PPFIA2: variants seen among roughly 807,000 people sequenced by gnomAD.
The protein encoded by PPFIA2 is PPFI scaffold protein A2.
In PPFIA2, 46 loss-of-function variants were observed where a neutral mutation model predicts 175.5. That is an observed-to-expected ratio of 0.26 (90% CI 0.21 to 0.34). The LOEUF is 0.34. Ranked by LOEUF, PPFIA2 falls within the 10% of genes least tolerant of loss-of-function variation. The pLI, the probability that PPFIA2 is intolerant of heterozygous loss-of-function variation, is 1.00. For synonymous variants in PPFIA2, 568 were observed against 511.4 expected (o/e 1.11, Z -1.49); for missense variants, 1,179 against 1,506.1 (o/e 0.78, Z 3.60).
At chr12:81,428,390 T>C (rs1170839869) in intron 7 of PPFIA2, among the ~76,000 whole-genome samples, 2 of 152,002 alleles carry the variant, frequency 1.3e-5, no homozygotes, top group African/African-American at 2.4e-5. Context: ...CTAGTAAAAT[T>C]AGTGGAAGTA....
At chr12:81,325,680 G>T in intron 22 of PPFIA2, 97 bp downstream of exon 22, 1 of 878,668 alleles carries the variant, frequency 1.1e-6, no homozygotes, top group Non-Finnish European at 1.8e-6. Context: ...CTTCAATATA[G>T]TTCTTTTGTT....
At chr12:81,486,416 A>G (rs894125021) in intron 4 of PPFIA2, among the ~76,000 whole-genome samples, 1 of 151,918 alleles carries the variant, frequency 6.6e-6, no homozygotes, top group Non-Finnish European at 1.5e-5. Flanking sequence ...CCATGCAGAA[A>G]ACTTTCAGGA....
intron 8 of PPFIA2, among the ~76,000 whole-genome samples, chr12:81,400,887 A>T (rs1449978163): frequency 6.6e-6 from 1 of 152,066 alleles, no homozygotes; most frequent in African/African-American, 2.4e-5. Flanking sequence ...GGATCAGTCA[A>T]CTCCACTCTT....
chr12:81,508,521 C>CAAAAAAA (rs544893385), intron 4 of PPFIA2, among the ~76,000 whole-genome samples: 5 of 44,812 alleles, frequency 1.1e-4, no homozygotes, highest in African/African-American at 1.5e-4. Flanking sequence ...AATTCCACCT[C>CAAAAAAA]AAAAAAAAAA....
Position 81,294,818 on chromosome 12 carries a change from A to C in PPFIA2, c.2925+17T>G. On this transcript the variant is annotated intron_variant, in intron 24 of 32. Transcript: ENST00000549396. ...TTGCCTAGCACTGAGGAAGGGGAGG[A>C]GCAGAAACTGACTCACAGTTCGAGA... is the stretch of plus-strand genomic sequence containing the variant. The C allele has an allele frequency of 6.2e-7, 1 of 1,609,356 alleles. No homozygotes were observed. The highest frequency in any genetic ancestry group is 8.5e-7 in the Non-Finnish European group (1 of 1,177,604).
chr12:81,486,223 G>C (rs1259817881), intron 4 of PPFIA2, among the ~76,000 whole-genome samples: 1 of 151,590 alleles, frequency 6.6e-6, no homozygotes, highest in Non-Finnish European at 1.5e-5. Context: ...TACATGTAGG[G>C]AAATAGTGGC....
At chr12:81,334,119 A>G (rs10862295) in intron 21 of PPFIA2, among the ~76,000 whole-genome samples, 29,130 of 152,062 alleles carry the variant, frequency 0.19, 4,150 homozygotes, top group East Asian at 0.42. Flanking sequence ...ACTTTGTTTC[A>G]AAATAGATTA....
At chr12:81,755,718 A>T (rs2084541629) in intron 2 of PPFIA2, among the ~76,000 whole-genome samples, 1 of 152,156 alleles carries the variant, frequency 6.6e-6, no homozygotes, top group Admixed American at 6.5e-5. Context: ...GGGGTCATTG[A>T]ACATTAGGAA....
At chr12:81,714,818 A>C (rs2078387192) in intron 3 of PPFIA2, among the ~76,000 whole-genome samples, 1 of 151,128 alleles carries the variant, frequency 6.6e-6, no homozygotes, top group African/African-American at 2.4e-5. Context: ...AGACCCTTTG[A>C]CTTTAGCAAT....
intron 9 of PPFIA2, among the ~76,000 whole-genome samples, chr12:81,377,273 C>T (rs952387821): frequency 5.3e-5 from 8 of 152,092 alleles, no homozygotes; most frequent in South Asian, 4.1e-4. Flanking sequence ...CAGCCAGAGG[C>T]GATGGCTCAC....
At chr12:81,372,052 C>T (rs917906226) in intron 11 of PPFIA2, among the ~76,000 whole-genome samples, 1 of 151,754 alleles carries the variant, frequency 6.6e-6, no homozygotes, top group Non-Finnish European at 1.5e-5. Context: ...TACTGATTTG[C>T]ATTCTATGTG....
At position 81,612,212 on chromosome 12, in the gene PPFIA2, C is replaced by T. The variant is rs187951253; in HGVS notation, c.303+64579G>A. Among the ~76,000 whole-genome samples, 5 of 152,268 alleles carry T rather than the reference C, an allele frequency of 3.3e-5. No individual in the cohort carries two copies. The East Asian group carries it at 5.8e-4, about 18-fold the overall frequency. ...CATCCTACTTCTGGGCCTTCTACTT[C>T]CTGGGCTTTTACTTCCAGACAATCC... On this transcript the variant is annotated intron_variant, in intron 4 of 32. Transcript: ENST00000549396.
chr12:81,637,853 C>T (rs945029622), intron 4 of PPFIA2, among the ~76,000 whole-genome samples: 6 of 152,086 alleles, frequency 3.9e-5, no homozygotes, highest in African/African-American at 1.4e-4. Context: ...CAAAAAAGCA[C>T]AGTTTCAAAT....
intron 15 of PPFIA2, among the ~76,000 whole-genome samples, chr12:81,360,977 AG>A (rs1211505975): frequency 6.6e-6 from 1 of 151,756 alleles, no homozygotes; most frequent in African/African-American, 2.4e-5. Context: ...TAAGGAAAAC[AG>A]GTTTCCAAAA....
chr12:81,513,081 G>T (rs1038989744), intron 4 of PPFIA2, among the ~76,000 whole-genome samples: 3 of 151,968 alleles, frequency 2.0e-5, no homozygotes, highest in African/African-American at 7.2e-5. Context: ...CCATCAAAAA[G>T]TGGGCAAAGG....
At chr12:81,282,245 C>G (rs1298878141) in intron 26 of PPFIA2, among the ~76,000 whole-genome samples, 1 of 151,984 alleles carries the variant, frequency 6.6e-6, no homozygotes, top group African/African-American at 2.4e-5. Flanking sequence ...TTATCATGCC[C>G]TAATTTCTCA....
chr12:81,394,834 A>T (rs931472158), intron 8 of PPFIA2, among the ~76,000 whole-genome samples: 15 of 152,020 alleles, frequency 9.9e-5, no homozygotes, highest in Non-Finnish European at 1.9e-4. Flanking sequence ...CTGTCCATGA[A>T]ATCCACTACT....
intron 7 of PPFIA2, among the ~76,000 whole-genome samples, chr12:81,438,811 A>G (rs1160634918): frequency 1.3e-5 from 2 of 152,146 alleles, no homozygotes; most frequent in African/African-American, 4.8e-5. Flanking sequence ...ACTTTTTACT[A>G]GGAACATTTA....
intron 6 of PPFIA2, among the ~76,000 whole-genome samples, chr12:81,440,762 T>C (rs2145023793): frequency 6.6e-6 from 1 of 151,374 alleles, no homozygotes; most frequent in Admixed American, 6.6e-5. Context: ...ATTCTTGCTT[T>C]CTTAGAACTT....
Sources: allele counts gnomAD v4.1 joint callset (sites outside exome capture counted in the v4.1 genomes callset), GRCh38; gene constraint gnomAD v4.1.1; transcripts MANE v1.5; gene names NCBI Gene and HGNC (gene_info 2026-07-23, HGNC 2026-07-21).